PXDNL: variants seen among roughly 807,000 people sequenced by gnomAD.
The protein encoded by PXDNL is peroxidasin like.
PXDNL carries 145 observed loss-of-function variants against 150.8 expected under a neutral mutation model. The ratio of observed to expected loss-of-function variants is 0.96; its 90% CI spans 0.84 to 1.10. The LOEUF (loss-of-function observed/expected upper bound fraction) is 1.10, where lower values mean the gene tolerates loss of function less well. Among genes scored for constraint, PXDNL ranks in the 50% least tolerant of loss-of-function variants. The pLI is 0.00. For synonymous variants in PXDNL, 757 were observed against 725.7 expected (o/e 1.04, Z -0.69); for missense variants, 2,087 against 1,873.9 (o/e 1.11, Z -2.10).
chr8:51,435,649 G>A (rs967412935), intron 12 of PXDNL: 10 of 208,500 alleles, frequency 4.8e-5, no homozygotes, highest in African/African-American at 1.7e-4. Context: ...CAGTTCAGGC[G>A]AAGAACCCAG....
intron 1 of PXDNL, among the ~76,000 whole-genome samples, chr8:51,656,707 C>T (rs955493481): frequency 1.3e-5 from 2 of 152,082 alleles, no homozygotes; most frequent in Non-Finnish European, 2.9e-5. Context: ...AATAATAATC[C>T]TTACTGTCTA....
intron 1 of PXDNL, among the ~76,000 whole-genome samples, chr8:51,798,450 T>C (rs1231252691): frequency 6.6e-6 from 1 of 152,148 alleles, no homozygotes; most frequent in Non-Finnish European, 1.5e-5. Flanking sequence ...GAAAGCCTAA[T>C]ATCCAAAATC....
rs1388730692 is a variant in PXDNL, at chr8:51,448,991, T to C, written c.1366+11A>G. 9.4e-6 allele frequency: 13 copies of C among 1,387,702 alleles called. No individual in the cohort carries two copies. In the Admixed American group the frequency reaches 2.0e-4, roughly 21 times the overall value. The allele number at this position is 1,387,702 out of a possible 1,614,324, so 86.0% of individuals were successfully genotyped here. On this transcript the variant is annotated intron_variant, in intron 11 of 22. Coordinates refer to ENST00000356297, the MANE Select transcript of PXDNL (RefSeq NM_144651.5). Reference sequence around the variant, plus strand: ...ATTTTTCCCCACAATTACCTGCAGATGTTCTAATACCTGTTTTTGTCCAGA... The same window carrying C: ...ATTTTTCCCCACAATTACCTGCAGACGTTCTAATACCTGTTTTTGTCCAGA...
chr8:51,452,441 T>C (rs1002556175), intron 10 of PXDNL, among the ~76,000 whole-genome samples: 2 of 152,154 alleles, frequency 1.3e-5, no homozygotes, highest in Non-Finnish European at 2.9e-5. Context: ...GACATGTAAA[T>C]AGGAATAAGA....
At chr8:51,545,334 G>T (rs1205193329) in intron 4 of PXDNL, among the ~76,000 whole-genome samples, 1 of 152,120 alleles carries the variant, frequency 6.6e-6, no homozygotes, top group African/African-American at 2.4e-5. Context: ...ATACTTGATT[G>T]GTTAATGTGA....
intron 19 of PXDNL, among the ~76,000 whole-genome samples, chr8:51,347,636 G>A (rs1327931601): frequency 6.6e-6 from 1 of 152,126 alleles, no homozygotes; most frequent in Admixed American, 6.5e-5. Context: ...TCATATTGTT[G>A]TATATTACCA....
At chr8:51,574,542 C>G (rs917729661) in intron 3 of PXDNL, among the ~76,000 whole-genome samples, 3 of 151,490 alleles carry the variant, frequency 2.0e-5, no homozygotes, top group African/African-American at 7.3e-5. Flanking sequence ...CAATTTTGGC[C>G]AAAGAAATAA....
intron 1 of PXDNL, among the ~76,000 whole-genome samples, chr8:51,798,343 T>C (rs909443786): frequency 2.6e-5 from 4 of 152,140 alleles, no homozygotes; most frequent in Non-Finnish European, 5.9e-5. Flanking sequence ...CGGAATCTAA[T>C]TAAACTATAG....
chr8:51,612,378 G>A (rs1337594007), intron 2 of PXDNL, among the ~76,000 whole-genome samples: 5 of 152,220 alleles, frequency 3.3e-5, no homozygotes, highest in Non-Finnish European at 7.4e-5. Context: ...GCTAACAATC[G>A]CCATCGAAAA....
chr8:51,636,790 A>G (rs1258787991), intron 2 of PXDNL, among the ~76,000 whole-genome samples: 3 of 149,164 alleles, frequency 2.0e-5, no homozygotes, highest in Non-Finnish European at 3.0e-5. Flanking sequence ...TCCTTATAAA[A>G]TTTCCAATGA....
chr8:51,545,088 T>C (rs1259699938), intron 4 of PXDNL, among the ~76,000 whole-genome samples: 2 of 152,180 alleles, frequency 1.3e-5, no homozygotes, highest in African/African-American at 4.8e-5. Context: ...GAATCAGTTT[T>C]AAAATAGAAA....
intron 14 of PXDNL, among the ~76,000 whole-genome samples, chr8:51,422,941 C>T (rs2129729988): frequency 6.6e-6 from 1 of 152,258 alleles, no homozygotes; most frequent in East Asian, 1.9e-4. Flanking sequence ...TCTCCCATGT[C>T]CCTTGTGAAC....
chr8:51,381,760 C>T (rs1393769579), intron 17 of PXDNL, among the ~76,000 whole-genome samples: 1 of 151,602 alleles, frequency 6.6e-6, no homozygotes, highest in Non-Finnish European at 1.5e-5. Context: ...TCATGCCATT[C>T]TCCTGTCTCA....
intron 8 of PXDNL, among the ~76,000 whole-genome samples, chr8:51,459,605 T>C (rs1237239649): frequency 6.6e-6 from 1 of 152,192 alleles, no homozygotes; most frequent in African/African-American, 2.4e-5. Flanking sequence ...TCTTTGTCCA[T>C]AACCTCTTCG....
chr8:51,586,702 A>C (rs1259623655), intron 3 of PXDNL, among the ~76,000 whole-genome samples: 1 of 152,208 alleles, frequency 6.6e-6, no homozygotes, highest in Non-Finnish European at 1.5e-5. Flanking sequence ...GAAACTGGAG[A>C]GAAATGGAAA....
At chr8:51,710,882 A>T (rs2130898957) in intron 1 of PXDNL, among the ~76,000 whole-genome samples, 1 of 152,342 alleles carries the variant, frequency 6.6e-6, no homozygotes, top group Admixed American at 6.5e-5. Context: ...AACACAAAAA[A>T]GGCCATGTAT....
chr8:51,453,904 T>C (rs1288881869), intron 9 of PXDNL, 119 bp from the exon 10 acceptor site: 6 of 853,720 alleles, frequency 7.0e-6, no homozygotes, highest in Non-Finnish European at 1.1e-5. Flanking sequence ...ACTAAAATAT[T>C]ACACATATAT....
At chr8:51,577,727 C>G (rs1813089330) in intron 3 of PXDNL, among the ~76,000 whole-genome samples, 1 of 150,100 alleles carries the variant, frequency 6.7e-6, no homozygotes, top group Non-Finnish European at 1.5e-5. Context: ...AGGGAAATTT[C>G]CTTCACTTGG....
At chr8:51,327,989 A>G (rs1458125519) in intron 21 of PXDNL, among the ~76,000 whole-genome samples, 3 of 152,238 alleles carry the variant, frequency 2.0e-5, no homozygotes, top group African/African-American at 7.2e-5. Flanking sequence ...TTTATGAGTC[A>G]GCTTTGGGAG....
Sources: allele counts gnomAD v4.1 joint callset (sites outside exome capture counted in the v4.1 genomes callset), GRCh38; gene constraint gnomAD v4.1.1; transcripts MANE v1.5; gene names NCBI Gene and HGNC (gene_info 2026-07-23, HGNC 2026-07-21).